The following ASTN2 variants were observed in gnomAD, a reference collection of about 807,000 sequenced individuals.
ASTN2 encodes astrotactin 2, also known as astrotactin-2.
In ASTN2, 54 loss-of-function variants were observed where a neutral mutation model predicts 139.8. The ratio of observed to expected loss-of-function variants is 0.39; its 90% CI spans 0.31 to 0.48. ASTN2 has a LOEUF of 0.48. ASTN2 is among the 20% of genes least tolerant of loss of function. The pLI is 0.95. For synonymous variants in ASTN2, 756 were observed against 719.5 expected, an observed-to-expected ratio of 1.05 and a Z score of -0.81; for missense variants, 1,565 against 1,725.1, an observed-to-expected ratio of 0.91 and a Z score of 1.64.
intron 22 of ASTN2, chr9:116,437,276 A>G (rs1847686993): frequency 4.2e-6 from 2 of 470,698 alleles, no homozygotes; most frequent in South Asian, 1.6e-5. Flanking sequence ...AGAAAGCGGC[A>G]GAGCCCAGGG....
At chr9:116,545,230 C>A (rs905765205) in intron 19 of ASTN2, among the ~76,000 whole-genome samples, 1 of 152,162 alleles carries the variant, frequency 6.6e-6, no homozygotes. Context: ...TTGAGAGGGC[C>A]TGGAGTTTCA....
intron 1 of ASTN2, among the ~76,000 whole-genome samples, chr9:117,390,716 T>C (rs1003737031): frequency 2.0e-5 from 3 of 152,214 alleles, no homozygotes; most frequent in Non-Finnish European, 4.4e-5. Context: ...TATCCCATTG[T>C]CTGGATGTAC....
At chr9:116,479,910 G>C (rs1420288866) in intron 20 of ASTN2, among the ~76,000 whole-genome samples, 2 of 152,128 alleles carry the variant, frequency 1.3e-5, no homozygotes, top group South Asian at 2.1e-4. Flanking sequence ...AGATAAACTG[G>C]TTGGAAATCT....
chr9:117,045,936 G>A (rs1340166804), intron 5 of ASTN2, among the ~76,000 whole-genome samples: 1 of 151,940 alleles, frequency 6.6e-6, no homozygotes, highest in Non-Finnish European at 1.5e-5. Context: ...ACTTAGGATG[G>A]GGAAAGAGGC....
At chr9:117,186,749 T>C (rs964567446) in intron 3 of ASTN2, among the ~76,000 whole-genome samples, 5 of 152,212 alleles carry the variant, frequency 3.3e-5, no homozygotes, top group African/African-American at 1.2e-4. Flanking sequence ...GGCAATGTTC[T>C]AAACAAGAAG....
chr9:116,536,654 G>T (rs1851643191), intron 19 of ASTN2, among the ~76,000 whole-genome samples: 1 of 152,262 alleles, frequency 6.6e-6, no homozygotes, highest in Non-Finnish European at 1.5e-5. Flanking sequence ...ATCAGCAGCG[G>T]AGGCTGCAGA....
chr9:116,759,441 A>C (rs1452661106), intron 13 of ASTN2, among the ~76,000 whole-genome samples: 1 of 152,188 alleles, frequency 6.6e-6, no homozygotes, highest in Non-Finnish European at 1.5e-5. Flanking sequence ...GTGGTCATAC[A>C]GCTCCTAAGG....
chr9:116,569,018 G>C (rs910495658), intron 19 of ASTN2: 23 of 152,284 alleles, frequency 1.5e-4, no homozygotes, highest in African/African-American at 5.1e-4. Context: ...AGGAACAGTA[G>C]GTAGGGAAGC....
chr9:116,772,232 C>T (rs567102528), intron 13 of ASTN2, among the ~76,000 whole-genome samples: 59 of 152,218 alleles, frequency 3.9e-4, no homozygotes, highest in African/African-American at 1.2e-3. Context: ...CCACATGTCA[C>T]GGGAGGGACG....
chr9:116,462,470 T>C (rs1207582156), intron 20 of ASTN2, among the ~76,000 whole-genome samples: 2 of 152,206 alleles, frequency 1.3e-5, no homozygotes, highest in African/African-American at 4.8e-5. Context: ...CATGCAATAA[T>C]AATCCTGTAT....
At chr9:116,851,479 T>TATCTA (rs1554754227) in intron 11 of ASTN2, among the ~76,000 whole-genome samples, 40 of 50,238 alleles carry the variant, frequency 8.0e-4, no homozygotes, top group African/African-American at 3.3e-3. Flanking sequence ...AACATCTATC[T>TATCTA]ATCTATCTAT....
At chr9:116,565,259 T>C (rs866495223) in intron 19 of ASTN2, among the ~76,000 whole-genome samples, 20 of 114,474 alleles carry the variant, frequency 1.7e-4, no homozygotes, top group African/African-American at 5.6e-4. Flanking sequence ...CACACACACA[T>C]ATGCCCCATA....
At chr9:116,682,842 C>A (rs1265946873) in intron 16 of ASTN2, among the ~76,000 whole-genome samples, 1 of 151,834 alleles carries the variant, frequency 6.6e-6, no homozygotes, top group African/African-American at 2.4e-5. Flanking sequence ...CACATGGACA[C>A]AGGAAGGGGA....
chr9:116,516,338 T>C (rs931018659), intron 19 of ASTN2, among the ~76,000 whole-genome samples: 6 of 152,168 alleles, frequency 3.9e-5, no homozygotes, highest in Non-Finnish European at 5.9e-5. Context: ...GCTAACATGT[T>C]TGAGAGATCA....
chr9:116,729,075 G>A lies in ASTN2; in HGVS notation c.2543C>T (p.Ala848Val). The change falls in exon 15 of 23, where the codon GCC becomes GTC. Residue 848 changes from alanine to valine, a missense_variant. By Grantham distance (64) the Ala-to-Val change is moderately conservative (BLOSUM62 0). Around this residue, in one of 4 missense-constraint regions of ASTN2, gnomAD observed 503 missense variants for 591.7 expected, o/e 0.85. Coordinates refer to ENST00000313400, the MANE Select transcript of ASTN2 (RefSeq NM_001365068.1). ...LLTGDIRYDE[A>V]MGYPMVQQWR... ...CTGCTGCACCATGGGGTAACCCATG[G>A]CCTCATCATACCTGATATCTCCTGG... The A allele has an allele frequency of 1.3e-6, 2 of 1,593,352 alleles. No individual in the cohort carries two copies. Among genetic ancestry groups the A allele is most frequent in the Non-Finnish European group, 8.6e-7 (1 of 1,169,084 alleles).
intron 17 of ASTN2, among the ~76,000 whole-genome samples, chr9:116,648,551 G>A (rs1857728690): frequency 6.6e-6 from 1 of 152,036 alleles, no homozygotes; most frequent in South Asian, 2.1e-4. Context: ...ATACACATAT[G>A]TATTTTATTG....
chr9:116,643,467 C>T (rs1416940740), intron 17 of ASTN2, among the ~76,000 whole-genome samples: 3 of 152,124 alleles, frequency 2.0e-5, no homozygotes, highest in Non-Finnish European at 4.4e-5. Flanking sequence ...GTTTCATAGA[C>T]TTGATTTATA....
At chr9:116,644,567 T>C (rs10817918) in intron 17 of ASTN2, among the ~76,000 whole-genome samples, 15,208 of 152,096 alleles carry the variant, frequency 0.1, 1,286 homozygotes, top group South Asian at 0.4. Flanking sequence ...GCCTTGGCTA[T>C]GTGACCTGAA....
At chr9:116,906,861 G>T (rs1465548820) in intron 10 of ASTN2, among the ~76,000 whole-genome samples, 1 of 152,118 alleles carries the variant, frequency 6.6e-6, no homozygotes, top group Admixed American at 6.5e-5. Flanking sequence ...CTTGAAGTTA[G>T]AGTTTTATAT....
Sources: allele counts gnomAD v4.1 joint callset (sites outside exome capture counted in the v4.1 genomes callset), GRCh38; gene constraint gnomAD v4.1.1; regional missense constraint gnomAD v4.1.1; transcripts MANE v1.5; gene names NCBI Gene and HGNC (gene_info 2026-07-23, HGNC 2026-07-21).